The following CECR2 variants were observed in gnomAD, a reference collection of about 807,000 sequenced individuals.
The protein encoded by CECR2 is CECR2 histone acetyl-lysine reader, also known as chromatin remodeling regulator CECR2.
In CECR2, 30 loss-of-function variants were observed where a neutral mutation model predicts 154.5. The observed-to-expected ratio is 0.19, with a 90% CI of 0.15 to 0.26. The LOEUF (loss-of-function observed/expected upper bound fraction) is 0.26. CECR2 is among the 10% of genes least tolerant of loss of function. The pLI, the probability that CECR2 is intolerant of heterozygous loss-of-function variation, is 1.00. For missense variants in CECR2, 1,743 were observed against 1,829.3 expected (o/e 0.95, Z 0.86); for synonymous variants, 725 against 683.7 (o/e 1.06, Z -0.94).
chr22:17,529,605 C>T (rs1484046370), intron 9 of CECR2, among the ~76,000 whole-genome samples: 1 of 151,396 alleles, frequency 6.6e-6, no homozygotes, highest in Non-Finnish European at 1.5e-5. Flanking sequence ...GAGGCTGAGG[C>T]GGGAGAATGG....
chr22:17,412,446 G>A (rs2054081425), intron 1 of CECR2, among the ~76,000 whole-genome samples: 1 of 152,120 alleles, frequency 6.6e-6, no homozygotes, highest in Admixed American at 6.6e-5. Flanking sequence ...AGCATGCCTG[G>A]ATTTGGCTTG....
At chr22:17,383,366 A>G (rs561136569) in intron 1 of CECR2, among the ~76,000 whole-genome samples, 79 of 152,332 alleles carry the variant, frequency 5.2e-4, no homozygotes, top group Non-Finnish European at 9.8e-4. Flanking sequence ...CATTTAACCC[A>G]CAGTAAAACT....
chr22:17,525,774 TTG>T, intron 9 of CECR2, among the ~76,000 whole-genome samples: 1 of 152,212 alleles, frequency 6.6e-6, no homozygotes, highest in East Asian at 1.9e-4. Context: ...TTTAGTGGAA[TTG>T]TGTTTTTTTA....
chr22:17,401,851 T>A (rs1039911366), intron 1 of CECR2, among the ~76,000 whole-genome samples: 1 of 131,538 alleles, frequency 7.6e-6, no homozygotes, highest in African/African-American at 2.9e-5. Context: ...CCCGCTGCCT[T>A]TTTTTTAACA....
intron 17 of CECR2, 91 bp downstream of exon 17, chr22:17,549,655 C>A: frequency 8.6e-7 from 1 of 1,169,296 alleles, no homozygotes; most frequent in Non-Finnish European, 1.2e-6. Flanking sequence ...CTTTGTCACC[C>A]AGGCTGGAGT....
chr22:17,520,875 A>G (rs1363928801), intron 8 of CECR2, among the ~76,000 whole-genome samples: 1 of 152,106 alleles, frequency 6.6e-6, no homozygotes, highest in Non-Finnish European at 1.5e-5. Context: ...AGTCTTTGCT[A>G]TTGTGAATAG....
chr22:17,444,401 C>T (rs558228330), intron 1 of CECR2, among the ~76,000 whole-genome samples: 96 of 152,194 alleles, frequency 6.3e-4, no homozygotes, highest in African/African-American at 2.2e-3. Flanking sequence ...CCAAGACGGG[C>T]AGATCAGTTA....
chr22:17,468,374 T>C (rs1212714514), intron 1 of CECR2, among the ~76,000 whole-genome samples: 1 of 152,140 alleles, frequency 6.6e-6, no homozygotes, highest in Non-Finnish European at 1.5e-5. Flanking sequence ...CTCACCTTTG[T>C]AGGTTTAAGA....
At chr22:17,488,948 A>T (rs1240832193) in intron 2 of CECR2, among the ~76,000 whole-genome samples, 1 of 152,028 alleles carries the variant, frequency 6.6e-6, no homozygotes, top group Non-Finnish European at 1.5e-5. Flanking sequence ...TTAAATTTTT[A>T]TTTACTTATT....
In CECR2 at chr22:17,403,982, G is replaced by A. The variant is rs141933268; in HGVS notation, c.126+34073G>A. 1.0e-3 allele frequency among the ~76,000 whole-genome samples: 154 copies of A among 149,132 alleles called. 1 individual carries two copies. The highest frequency in any genetic ancestry group is 0.01 in the Middle Eastern group (3 of 294). ...ATTTGTAGATAAGACCACCCTGGCC[G>A]GGCACAGTGGCTCACACCTGCAATC... On this transcript the variant is annotated intron_variant, in intron 1 of 18. Coordinates refer to ENST00000262608, the MANE Select transcript of CECR2 (RefSeq NM_001290047.2).
At chr22:17,549,788 T>TG (rs1412112386) in intron 17 of CECR2, among the ~76,000 whole-genome samples, 7,263 of 143,758 alleles carry the variant, frequency 0.051, 305 homozygotes, top group African/African-American at 0.093. Context: ...TTTTTGGTTT[T>TG]TTTTTTTTTT....
At chr22:17,498,858 A>G (rs1265919339) in intron 3 of CECR2, among the ~76,000 whole-genome samples, 1 of 152,128 alleles carries the variant, frequency 6.6e-6, no homozygotes, top group South Asian at 2.1e-4. Flanking sequence ...AAAGGGAACA[A>G]TGGTGGGGAT....
At chr22:17,458,108 A>G (rs1046312530) in intron 1 of CECR2, among the ~76,000 whole-genome samples, 2 of 151,938 alleles carry the variant, frequency 1.3e-5, no homozygotes, top group Non-Finnish European at 1.5e-5. Context: ...GCATGACTCA[A>G]TACATATGAT....
At position 17,542,153 on chromosome 22, in the gene CECR2, C is replaced by A; in HGVS notation, c.2014-4C>A. 2 of 1,606,512 alleles carry A rather than the reference C, an allele frequency of 1.2e-6. No individual in the cohort carries two copies. The highest frequency in any genetic ancestry group is 1.7e-6 in the Non-Finnish European group (2 of 1,174,526). ...GTAACTGTGCTGCCTTTTCTCGTTG[C>A]CAGCCTCCAGTTGGAATTAACAGCC... On this transcript the variant is annotated splice_region_variant and splice_polypyrimidine_tract_variant and intron_variant, in intron 15 of 18. Transcript: ENST00000262608.
At chr22:17,533,223 G>A (rs2056386129) in intron 9 of CECR2, among the ~76,000 whole-genome samples, 1 of 151,554 alleles carries the variant, frequency 6.6e-6, no homozygotes, top group African/African-American at 2.4e-5. Flanking sequence ...GAGAGGCTGA[G>A]GCATGAGAAT....
In CECR2 at chr22:17,549,409, C is replaced by T. The variant is rs886856170; in HGVS notation, c.4122C>T (p.His1374=). The T allele has an allele frequency of 4.3e-6, 7 of 1,613,794 alleles. No individual in the cohort carries two copies. Among genetic ancestry groups the T allele is most frequent in the Non-Finnish European group, 5.9e-6 (7 of 1,179,810 alleles). ...CTGTGGCTGCCCTCCCACCTCACCA[C>T]CCAGGGGCCACCCAGCCCAACGGCC... ...SSPVAALPPH[H]PGATQPNGLS... Residue 1374 remains histidine, a synonymous_variant, in exon 17 of 19, where the codon CAC becomes CAT. Coordinates refer to ENST00000262608, the MANE Select transcript of CECR2 (RefSeq NM_001290047.2).
intron 2 of CECR2, among the ~76,000 whole-genome samples, chr22:17,486,697 A>T (rs1370975798): frequency 1.3e-5 from 2 of 152,266 alleles, no homozygotes; most frequent in East Asian, 3.8e-4. Context: ...TATTAAGTGT[A>T]AGGCAAGGAG....
At chr22:17,370,491 G>C (rs1224010573) in intron 1 of CECR2, among the ~76,000 whole-genome samples, 1 of 152,084 alleles carries the variant, frequency 6.6e-6, no homozygotes, top group East Asian at 1.9e-4. Context: ...GGGCCTGGGC[G>C]CGGGGCTCTG....
intron 1 of CECR2, among the ~76,000 whole-genome samples, chr22:17,383,872 T>C (rs1160686374): frequency 1.3e-5 from 2 of 152,010 alleles, no homozygotes; most frequent in African/African-American, 4.8e-5. Flanking sequence ...AGGGTTTCAC[T>C]ATGTTGGCCA....
Sources: gnomAD v4.1 joint callset for allele counts (sites outside exome capture counted in the v4.1 genomes callset) on GRCh38, gnomAD v4.1.1 for gene constraint, MANE v1.5 for transcripts, NCBI Gene and HGNC (gene_info 2026-07-23, HGNC 2026-07-21) for gene names.